ITPR2: variants seen among roughly 807,000 people sequenced by gnomAD.
The protein encoded by ITPR2 is inositol 1,4,5-trisphosphate receptor type 2.
In ITPR2, 207 loss-of-function variants were observed where a neutral mutation model predicts 317.1. That is an observed-to-expected ratio of 0.65 (90% CI 0.58 to 0.73). The LOEUF (loss-of-function observed/expected upper bound fraction) is 0.73, where lower values mean the gene tolerates loss of function less well. ITPR2 is among the 30% of genes least tolerant of loss of function. The pLI is 0.00. For synonymous variants in ITPR2, 1,156 were observed against 1,149.1 expected (o/e 1.01, Z -0.12); for missense variants, 2,613 against 3,284.0 (o/e 0.80, Z 4.99).
chr12:26,524,805 C>T (rs1502419), intron 37 of ITPR2, among the ~76,000 whole-genome samples: 89,034 of 151,968 alleles, frequency 0.59, 29,195 homozygotes, highest in Non-Finnish European at 0.76. Context: ...AATACTACAG[C>T]AGTTAAAATT....
chr12:26,587,945 AG>A (rs754802724), intron 32 of ITPR2, among the ~76,000 whole-genome samples: 43 of 152,256 alleles, frequency 2.8e-4, no homozygotes, highest in Non-Finnish European at 5.4e-4. Flanking sequence ...TTTTATGGTT[AG>A]AACTTGCAGA....
At chr12:26,796,508 G>C (rs1005248482) in intron 1 of ITPR2, among the ~76,000 whole-genome samples, 1 of 152,182 alleles carries the variant, frequency 6.6e-6, no homozygotes, top group Non-Finnish European at 1.5e-5. Context: ...CTGCTATAGA[G>C]AGTAGAAATT....
At chr12:26,781,992 GTATATATATATATA>G (rs1161714052) in intron 2 of ITPR2, among the ~76,000 whole-genome samples, 117 of 56,994 alleles carry the variant, frequency 2.1e-3, no homozygotes, top group Admixed American at 1.9e-3. Context: ...AAACTCCCCT[GTATATATATATATA>G]TATATATATA....
chr12:26,394,749 C>T (rs1311996953), intron 54 of ITPR2, among the ~76,000 whole-genome samples: 2 of 151,990 alleles, frequency 1.3e-5, no homozygotes, highest in Non-Finnish European at 2.9e-5. Context: ...CCGAGCAGAC[C>T]ATTTGGGGTT....
chr12:26,636,293 G>A (rs767726678), intron 21 of ITPR2, among the ~76,000 whole-genome samples: 3 of 151,988 alleles, frequency 2.0e-5, no homozygotes, highest in African/African-American at 4.8e-5. Flanking sequence ...TTTAAATTTC[G>A]GTCATGGCAT....
At chr12:26,599,492 G>C in intron 29 of ITPR2, 147 bp from the exon 30 acceptor site, 1 of 694,454 alleles carries the variant, frequency 1.4e-6, no homozygotes, top group Non-Finnish European at 2.4e-6. Context: ...CAAAAAATGC[G>C]ATGAGATCAT....
intron 55 of ITPR2, among the ~76,000 whole-genome samples, chr12:26,341,123 C>T (rs984391233): frequency 6.6e-6 from 1 of 152,172 alleles, no homozygotes; most frequent in African/African-American, 2.4e-5. Flanking sequence ...CTCCCCAAAG[C>T]TCTGCAAGGT....
At chr12:26,543,099 T>G (rs571199108) in intron 37 of ITPR2, among the ~76,000 whole-genome samples, 11 of 152,006 alleles carry the variant, frequency 7.2e-5, no homozygotes, top group African/African-American at 2.7e-4. Flanking sequence ...TACTAAAGAG[T>G]ACAAGATGCG....
At chr12:26,422,418 C>T (rs936631343) in intron 49 of ITPR2, among the ~76,000 whole-genome samples, 1 of 151,866 alleles carries the variant, frequency 6.6e-6, no homozygotes, top group Non-Finnish European at 1.5e-5. Context: ...TCTGTCTTTG[C>T]AGGACATTTA....
chr12:26,352,068 G>A (rs763359223), intron 55 of ITPR2, among the ~76,000 whole-genome samples: 1 of 152,162 alleles, frequency 6.6e-6, no homozygotes, highest in African/African-American at 2.4e-5. Context: ...TCCTGTATCT[G>A]AGGAAATCAT....
intron 55 of ITPR2, among the ~76,000 whole-genome samples, chr12:26,347,368 G>A (rs1938342456): frequency 6.6e-6 from 1 of 152,172 alleles, no homozygotes; most frequent in South Asian, 2.1e-4. Context: ...AAGAACTGTG[G>A]TTCTACATCA....
intron 37 of ITPR2, among the ~76,000 whole-genome samples, chr12:26,549,755 T>C (rs979969864): frequency 1.3e-5 from 2 of 152,032 alleles, no homozygotes; most frequent in African/African-American, 2.4e-5. Context: ...CAAGTTAATA[T>C]AGTTAAGAAT....
At chr12:26,475,929 G>T (rs998314882) in intron 44 of ITPR2, among the ~76,000 whole-genome samples, 1 of 152,188 alleles carries the variant, frequency 6.6e-6, no homozygotes, top group African/African-American at 2.4e-5. Context: ...GAGGTGGAGG[G>T]TGGGCCACAA....
intron 45 of ITPR2, among the ~76,000 whole-genome samples, chr12:26,470,703 T>A (rs1182076276): frequency 2.6e-5 from 4 of 152,172 alleles, no homozygotes; most frequent in Admixed American, 2.6e-4. Flanking sequence ...ATTTTAGGAT[T>A]CAGTAAGACA....
In ITPR2 at chr12:26,561,902, T is replaced by G; in HGVS notation, c.4681A>C (p.Thr1561Pro). Residue 1561 changes from threonine (T) to proline (P), a missense_variant, in exon 35 of 57, where the codon ACT becomes CCT. By Grantham distance (38) the Thr-to-Pro change is conservative. Transcript: ENST00000381340. Reference protein sequence around the residue: ...IPVDLDSQVNTLFMKSHSNMV... With the variant: ...IPVDLDSQVNPLFMKSHSNMV... ...TTTGAATGGCTCTTCATGAAAAGAG[T>G]ATTAACTTGGCTGTCCAAATCCACT... 1 of 1,567,250 alleles carries G rather than the reference T, an allele frequency of 6.4e-7. No homozygotes were observed. Among genetic ancestry groups the G allele is most frequent in the Non-Finnish European group, 8.6e-7 (1 of 1,165,356 alleles).
chr12:26,831,000 G>A (rs970365225), intron 1 of ITPR2, among the ~76,000 whole-genome samples: 7 of 152,186 alleles, frequency 4.6e-5, no homozygotes, highest in Non-Finnish European at 1.0e-4. Context: ...AGGTTTACAA[G>A]TGGAAGCGCC....
chr12:26,495,300 T>A, intron 37 of ITPR2, 40 bp from the exon 38 acceptor site: 1 of 1,129,580 alleles, frequency 8.9e-7, no homozygotes, highest in Non-Finnish European at 1.3e-6. Context: ...TTCCCTTTTC[T>A]AATAAAAGTG....
chr12:26,370,112 G>A (rs1939138364), intron 55 of ITPR2, among the ~76,000 whole-genome samples: 1 of 152,200 alleles, frequency 6.6e-6, no homozygotes. Flanking sequence ...GTAATGGCAA[G>A]TACTGTGCTC....
intron 39 of ITPR2, among the ~76,000 whole-genome samples, chr12:26,490,362 C>G (rs1470937588): frequency 1.3e-5 from 2 of 152,212 alleles, no homozygotes; most frequent in East Asian, 3.8e-4. Flanking sequence ...TTAATTAGGA[C>G]CATTCATTCA....
Sources: allele counts gnomAD v4.1 joint callset (sites outside exome capture counted in the v4.1 genomes callset), GRCh38; gene constraint gnomAD v4.1.1; transcripts MANE v1.5; gene names NCBI Gene and HGNC (gene_info 2026-07-23, HGNC 2026-07-21).